Variants in USH2A observed in about 807,000 individuals in gnomAD.
USH2A encodes the protein Usher syndrome 2A (autosomal recessive, mild).
Under a neutral mutation model 538.9 loss-of-function variants are expected in USH2A, and 443 were observed. The ratio of observed to expected loss-of-function variants is 0.82; its 90% CI spans 0.76 to 0.89. The LOEUF is 0.89. Ranked by LOEUF, USH2A falls within the 40% of genes least tolerant of loss-of-function variation. The pLI is 0.00. For synonymous variants in USH2A, 2,413 were observed against 2,273.5 expected (o/e 1.06, Z -1.75); for missense variants, 6,633 against 6,324.8 (o/e 1.05, Z -1.65).
chr1:215,956,060 T>G, intron 37 of USH2A, among the ~76,000 whole-genome samples: 1 of 152,162 alleles, frequency 6.6e-6, no homozygotes, highest in East Asian at 1.9e-4. Flanking sequence ...TGTAATCCAT[T>G]CTTCTGTTTC....
At chr1:216,404,672 A>G (rs1263817251) in intron 3 of USH2A, among the ~76,000 whole-genome samples, 1 of 123,912 alleles carries the variant, frequency 8.1e-6, no homozygotes, top group Non-Finnish European at 1.6e-5. Context: ...CCCAGGCTGG[A>G]GTGCAGTGGC....
At chr1:215,685,294 A>T (rs1245944809) in intron 61 of USH2A, among the ~76,000 whole-genome samples, 1 of 150,824 alleles carries the variant, frequency 6.6e-6, no homozygotes, top group Non-Finnish European at 1.5e-5. Context: ...GTTGATCAAC[A>T]TATTTATGTC....
Position 215,878,631 on chromosome 1 carries a change from A to T in USH2A, c.8558+133T>A, listed in dbSNP as rs1664832360. ...AGTGTACAGTATGATAGTGTATGAA[A>T]GTTATGAGTCAGGGGATATTCAATG... On this transcript the variant is annotated intron_variant, in intron 42 of 71. Coordinates refer to ENST00000307340, the MANE Select transcript of USH2A (RefSeq NM_206933.4). 3.6e-6 allele frequency: 3 copies of T among 842,616 alleles called. No individual in the cohort carries two copies. The South Asian group carries it at 4.5e-5, about 13-fold the overall frequency. 52.2% of individuals were successfully genotyped at this position (842,616 alleles called of 1,614,324 possible). A position where few individuals can be genotyped will look rare whatever the true frequency, so the allele number is the denominator to read the frequency against.
chr1:215,657,674 T>C (rs1657303723), intron 64 of USH2A, among the ~76,000 whole-genome samples: 1 of 152,158 alleles, frequency 6.6e-6, no homozygotes, highest in Admixed American at 6.5e-5. Context: ...TTTAATTGAA[T>C]TCTGGGACCC....
chr1:216,416,183 T>C (rs142419304), intron 3 of USH2A, among the ~76,000 whole-genome samples: 27 of 152,160 alleles, frequency 1.8e-4, no homozygotes, highest in African/African-American at 6.3e-4. Flanking sequence ...AAATCTATAA[T>C]ATGGATTTTT....
rs574361852 is a variant in USH2A at position 216,039,507 on chromosome 1, C to T, written c.6325+6924G>A. ...GCTTTATTAATATTAGAGCTTGTAA[C>T]AGAACACAGGCGTGTTAACAGCATT... On this transcript the variant is annotated intron_variant, in intron 32 of 71. Coordinates refer to ENST00000307340, the MANE Select transcript of USH2A (RefSeq NM_206933.4). Among the ~76,000 whole-genome samples the T allele has an allele frequency of 8.5e-5, 13 of 152,064 alleles. No individual in the cohort carries two copies. In the Middle Eastern group the frequency reaches 0.01, roughly 119 times the overall value.
intron 49 of USH2A, among the ~76,000 whole-genome samples, chr1:215,801,239 C>T (rs1022840505): frequency 6.6e-6 from 1 of 151,762 alleles, no homozygotes; most frequent in Non-Finnish European, 1.5e-5. Context: ...GAAAAGGTTG[C>T]CACCCTTTGC....
intron 60 of USH2A, among the ~76,000 whole-genome samples, chr1:215,732,552 T>A (rs1177641339): frequency 8.1e-6 from 1 of 122,762 alleles, no homozygotes; most frequent in Non-Finnish European, 1.7e-5. Context: ...TTCTTTTTTT[T>A]TTTTTTTTTT....
At position 216,084,892 on chromosome 1, in the gene USH2A, A is replaced by G. The variant is rs2032078284; in HGVS notation, c.4988-15T>C. 9 of 1,608,754 alleles carry G rather than the reference A, an allele frequency of 5.6e-6. No individual in the cohort carries two copies. The highest frequency in any genetic ancestry group is 6.8e-6 in the Non-Finnish European group (8 of 1,175,790). On this transcript the variant is annotated splice_polypyrimidine_tract_variant and intron_variant, in intron 24 of 71. Coordinates refer to ENST00000307340, the MANE Select transcript of USH2A (RefSeq NM_206933.4). ...TTGGATTATCTCTGCAGGAGTTTATAGATATCAAGAAATATATATTTTGAA... is the reference window on the plus strand; with the variant it reads ...TTGGATTATCTCTGCAGGAGTTTATGGATATCAAGAAATATATATTTTGAA...
chr1:215,900,813 C>T lies in USH2A; in HGVS notation c.7393G>A (p.Gly2465Ser). The T allele has an allele frequency of 1.2e-6, 2 of 1,613,732 alleles. No individual in the cohort carries two copies. Among genetic ancestry groups the T allele is most frequent in the Non-Finnish European group, 1.7e-6 (2 of 1,179,804 alleles). Reference sequence around the variant, plus strand: ...ATCTGGAGTTGGTATCTGGGAGAGCCAGGAGCGTTATTACGAGCTGGTGTA... The same window carrying T: ...ATCTGGAGTTGGTATCTGGGAGAGCTAGGAGCGTTATTACGAGCTGGTGTA... ...WSTPARNNAP[G>S]SPRYQLQMRS... The change falls in exon 39 of 72, where the codon GGC becomes AGC. Residue 2465 changes from glycine (G) to serine (S), a missense_variant. Coordinates refer to ENST00000307340, the MANE Select transcript of USH2A (RefSeq NM_206933.4).
intron 23 of USH2A, among the ~76,000 whole-genome samples, chr1:216,087,721 T>A (rs1365880231): frequency 6.6e-6 from 1 of 152,134 alleles, no homozygotes; most frequent in Non-Finnish European, 1.5e-5. Context: ...TCCTGTTAAT[T>A]TGACATTCAC....
At chr1:215,768,500 C>A (rs1194377201) in intron 55 of USH2A, among the ~76,000 whole-genome samples, 1 of 152,138 alleles carries the variant, frequency 6.6e-6, no homozygotes, top group Non-Finnish European at 1.5e-5. Context: ...TGATAAGATG[C>A]AGGCACTTAT....
In USH2A at chr1:215,630,455, AATAT is replaced by A. The variant is rs569590270; in HGVS notation, c.15298-1424_15298-1421del. On this transcript the variant is annotated intron_variant, in intron 70 of 71. Transcript: ENST00000307340. ...GTGTGTATATATACATATATATGTG[AATAT>A]ATATGTATGTGTATGTGTGTGTGTA... Among the ~76,000 whole-genome samples, 40 of 114,974 alleles carry A rather than the reference AATAT, an allele frequency of 3.5e-4. 1 individual carries two copies. The South Asian group carries it at 0.011, about 31-fold the overall frequency. 75.4% of individuals were successfully genotyped at this position (114,974 alleles called of 152,430 possible). A position where few individuals can be genotyped will look rare whatever the true frequency, so the allele number is the denominator to read the frequency against.
At chr1:215,645,709 T>C (rs757705568) in intron 67 of USH2A, among the ~76,000 whole-genome samples, 2 of 152,212 alleles carry the variant, frequency 1.3e-5, no homozygotes, top group African/African-American at 2.4e-5. Flanking sequence ...TGGCATCATA[T>C]TCAATGCCAG....
chr1:216,138,720 G>T lies in USH2A; in HGVS notation c.4627+36532C>A, dbSNP rs114345618. On this transcript the variant is annotated intron_variant, in intron 21 of 71. Transcript: ENST00000307340. ...TATTTTCCCCCTGCTTCTGACTCAGGGCAGAATACCCTTTTTCTGATGAAA... is the reference window on the plus strand; with the variant it reads ...TATTTTCCCCCTGCTTCTGACTCAGTGCAGAATACCCTTTTTCTGATGAAA... Among the ~76,000 whole-genome samples the T allele has an allele frequency of 7.8e-3, 1,190 of 151,980 alleles. 17 individuals are homozygous for T. Among genetic ancestry groups the T allele is most frequent in the African/African-American group, 0.028 (1,158 of 41,400 alleles).
At chr1:216,080,007 G>A (rs2031883276) in intron 26 of USH2A, 1 of 152,068 alleles carries the variant, frequency 6.6e-6, no homozygotes, top group East Asian at 1.9e-4. Flanking sequence ...GCATTTGAAA[G>A]AAATGCTGAC....
chr1:216,156,562 A>C (rs1231410780), intron 21 of USH2A, among the ~76,000 whole-genome samples: 1 of 152,146 alleles, frequency 6.6e-6, no homozygotes, highest in African/African-American at 2.4e-5. Context: ...AGACTAATTT[A>C]TAAAATAATT....
chr1:216,250,243 G>A (rs1418506693), intron 12 of USH2A, among the ~76,000 whole-genome samples: 1 of 151,956 alleles, frequency 6.6e-6, no homozygotes, highest in African/African-American at 2.4e-5. Context: ...ATACCTGTGG[G>A]AGTAACAAAC....
chr1:215,780,141 G>A, intron 54 of USH2A, 100 bp from the exon 55 acceptor site: 3 of 1,328,886 alleles, frequency 2.3e-6, no homozygotes, highest in South Asian at 1.2e-5. Context: ...GTCTGGCCTG[G>A]CATATCATTA....
Sources: gnomAD v4.1 joint callset for allele counts (sites outside exome capture counted in the v4.1 genomes callset) on GRCh38, gnomAD v4.1.1 for gene constraint, MANE v1.5 for transcripts, NCBI Gene and HGNC (gene_info 2026-07-23, HGNC 2026-07-21) for gene names.